PODXL: variants seen among roughly 807,000 people sequenced by gnomAD.
The protein encoded by PODXL is podocalyxin like.
Under a neutral mutation model 48.9 loss-of-function variants are expected in PODXL, and 20 were observed. The ratio of observed to expected loss-of-function variants is 0.41; its 90% CI spans 0.29 to 0.59. The LOEUF (loss-of-function observed/expected upper bound fraction) is 0.59, where lower values mean the gene tolerates loss of function less well. PODXL is among the 20% of genes least tolerant of loss of function. The probability of loss-of-function intolerance (pLI) is 0.31; values close to 1 mark genes in which losing one functional copy is unlikely to be tolerated. For missense variants in PODXL, 606 were observed against 675.1 expected, an observed-to-expected ratio of 0.90 and a Z score of 1.13; for synonymous variants, 295 against 287.4, an observed-to-expected ratio of 1.03 and a Z score of -0.27.
At position 131,503,333 on chromosome 7, in the gene PODXL, CA is replaced by C. The variant is rs1239024894; in HGVS notation, c.*977del. On this transcript the variant is annotated 3_prime_UTR_variant, in exon 9 of 9. Coordinates refer to ENST00000378555, the MANE Select transcript of PODXL (RefSeq NM_001018111.3). ...CTCCCATCAGCTGAGCAGTGAACAA[CA>C]AAAGGAACACGCTGCTCTCACTAGC... is the stretch of plus-strand genomic sequence containing the variant. The C allele has an allele frequency of 6.6e-6, 1 of 152,436 alleles. No individual in the cohort carries two copies. Among genetic ancestry groups the C allele is most frequent in the Non-Finnish European group, 1.5e-5 (1 of 68,058 alleles). 9.4% of individuals were successfully genotyped at this position (152,436 alleles called of 1,614,324 possible). A position where few individuals can be genotyped will look rare whatever the true frequency, so the allele number is the denominator to read the frequency against.
intron 1 of PODXL, among the ~76,000 whole-genome samples, chr7:131,526,739 CTTTTTTTT>C (rs57935236): frequency 1.1e-5 from 1 of 90,498 alleles, no homozygotes; most frequent in African/African-American, 4.4e-5. Context: ...CTTCCTTACT[CTTTTTTTT>C]TTTTTTTTTT....
At chr7:131,520,017 G>A in intron 1 of PODXL, 1 of 192,198 alleles carries the variant, frequency 5.2e-6, no homozygotes, top group South Asian at 9.1e-5. Flanking sequence ...GAGACACTGT[G>A]CCCTGCCACA....
chr7:131,538,063 G>A (rs949650713), intron 1 of PODXL, among the ~76,000 whole-genome samples: 2 of 152,188 alleles, frequency 1.3e-5, no homozygotes, highest in African/African-American at 4.8e-5. Context: ...TGATGTGTAC[G>A]CACTTCAAAC....
rs58163575 is a variant in PODXL at position 131,524,379 on chromosome 7, C to CAGAGAGAGAGAG, written c.101-12958_101-12947dup. 8.6e-3 allele frequency among the ~76,000 whole-genome samples: 893 copies of CAGAGAGAGAGAG among 104,088 alleles called. 22 individuals are homozygous for CAGAGAGAGAGAG. The highest frequency in any genetic ancestry group is 0.018 in the Middle Eastern group (4 of 218). The allele number at this position is 104,088 out of a possible 152,430, so 68.3% of individuals were successfully genotyped here. ...ACACACACGCACACACACACACACA[C>CAGAGAGAGAGAG]AGAGAGAGAGAGAGAGAGAGAGAGA... On this transcript the variant is annotated intron_variant, in intron 1 of 8. Transcript: ENST00000378555.
intron 1 of PODXL, chr7:131,520,014 T>C (rs1014601939): frequency 8.3e-5 from 16 of 192,212 alleles, no homozygotes; most frequent in Non-Finnish European, 4.2e-5. Context: ...TATGAGACAC[T>C]GTGCCCTGCC....
rs779729522 is a variant in PODXL at position 131,509,391 on chromosome 7, GAGA to G, written c.994_996del (p.Ser332del). 1 of 1,614,112 alleles carries G rather than the reference GAGA, an allele frequency of 6.2e-7. No individual in the cohort carries two copies. The highest frequency in any genetic ancestry group is 8.5e-7 in the Non-Finnish European group (1 of 1,179,980). On this transcript the variant is annotated inframe_deletion, in exon 4 of 9. Coordinates refer to ENST00000378555, the MANE Select transcript of PODXL (RefSeq NM_001018111.3). ...CAGTTACTCTCATGAGCCACAGTGG[GAGA>G]AGGTGTTTTGGGGTATCGGTGGGTA... is the stretch of plus-strand genomic sequence containing the variant.
At chr7:131,518,167 C>A (rs1464463580) in intron 1 of PODXL, among the ~76,000 whole-genome samples, 2 of 152,164 alleles carry the variant, frequency 1.3e-5, no homozygotes, top group African/African-American at 4.8e-5. Flanking sequence ...TGCACAGGTA[C>A]CAGGTACCAG....
intron 1 of PODXL, among the ~76,000 whole-genome samples, chr7:131,541,840 C>T (rs928415842): frequency 8.5e-5 from 13 of 152,102 alleles, no homozygotes; most frequent in African/African-American, 1.2e-4. Context: ...CGCTAGAGTT[C>T]GTCAAGGAAG....
intron 6 of PODXL, 50 bp from the exon 7 acceptor site, chr7:131,506,371 T>G: frequency 6.3e-7 from 1 of 1,594,334 alleles, no homozygotes; most frequent in Non-Finnish European, 8.6e-7. Context: ...AGCGAGGCAG[T>G]GGGGGACGGG....
intron 1 of PODXL, among the ~76,000 whole-genome samples, chr7:131,537,905 G>A (rs1043253197): frequency 6.6e-6 from 1 of 152,082 alleles, no homozygotes; most frequent in Non-Finnish European, 1.5e-5. Context: ...CAGACTGTTC[G>A]CCCCCATTAC....
chr7:131,508,083 C>A (rs546601446), intron 5 of PODXL, among the ~76,000 whole-genome samples: 1 of 152,228 alleles, frequency 6.6e-6, no homozygotes, highest in African/African-American at 2.4e-5. Context: ...GCACCCGCCG[C>A]GCTCGGCAGT....
At chr7:131,511,576 G>T in intron 1 of PODXL, 143 bp from the exon 2 acceptor site, 1 of 742,938 alleles carries the variant, frequency 1.3e-6, no homozygotes, top group Non-Finnish European at 2.2e-6. Flanking sequence ...GGTGAATCCA[G>T]AATTTTCGGA....
chr7:131,545,264 A>G (rs567414629), intron 1 of PODXL, among the ~76,000 whole-genome samples: 9 of 152,312 alleles, frequency 5.9e-5, no homozygotes, highest in South Asian at 2.1e-4. Context: ...CTTGTTCCCA[A>G]TGGACTCTGG....
At chr7:131,516,920 A>G (rs954424618) in intron 1 of PODXL, among the ~76,000 whole-genome samples, 3 of 151,840 alleles carry the variant, frequency 2.0e-5, no homozygotes, top group East Asian at 3.9e-4. Context: ...GGATCTCCCT[A>G]TGTTGCCCAG....
At chr7:131,506,550 C>A in intron 6 of PODXL, 29 bp downstream of exon 6, 1 of 1,610,302 alleles carries the variant, frequency 6.2e-7, no homozygotes, top group African/African-American at 1.3e-5. Context: ...ATGCAGGCCC[C>A]AGCCCAGGCC....
At chr7:131,506,358 C>G (rs1288351719) in intron 6 of PODXL, 37 bp from the exon 7 acceptor site, 1 of 1,606,932 alleles carries the variant, frequency 6.2e-7, no homozygotes, top group Non-Finnish European at 8.5e-7. Flanking sequence ...TGGCCCAGCC[C>G]AGAGCGAGGC....
At chr7:131,534,043 G>A (rs571925090) in intron 1 of PODXL, among the ~76,000 whole-genome samples, 2 of 152,232 alleles carry the variant, frequency 1.3e-5, no homozygotes, top group East Asian at 3.9e-4. Flanking sequence ...AGGGGGGAAG[G>A]AAAGGCACCC....
At chr7:131,547,569 A>AG (rs775377492) in intron 1 of PODXL, among the ~76,000 whole-genome samples, 78 of 152,200 alleles carry the variant, frequency 5.1e-4, no homozygotes, top group Non-Finnish European at 6.8e-4. Context: ...CTAAAATCCA[A>AG]GCCTCTTAAC....
At chr7:131,515,001 T>C (rs1797969309) in intron 1 of PODXL, among the ~76,000 whole-genome samples, 1 of 152,224 alleles carries the variant, frequency 6.6e-6, no homozygotes, top group South Asian at 2.1e-4. Context: ...TTTCTTGTTA[T>C]AGGCAGTTGT....
Sources: gnomAD v4.1 joint callset for allele counts (sites outside exome capture counted in the v4.1 genomes callset) on GRCh38, gnomAD v4.1.1 for gene constraint, MANE v1.5 for transcripts, NCBI Gene and HGNC (gene_info 2026-07-23, HGNC 2026-07-21) for gene names.